Variants in SRRM1 observed in about 807,000 individuals in gnomAD.
The protein encoded by SRRM1 is serine and arginine repetitive matrix 1, also known as serine/arginine repetitive matrix protein 1.
A neutral mutation model predicts 110.2 loss-of-function variants in SRRM1; 19 were observed. That is an observed-to-expected ratio of 0.17 (90% CI 0.12 to 0.25). The LOEUF (loss-of-function observed/expected upper bound fraction) is 0.25, where lower values mean the gene tolerates loss of function less well. Ranked by LOEUF, SRRM1 falls within the 10% of genes least tolerant of loss-of-function variation. SRRM1 has a pLI of 1.00. For synonymous variants in SRRM1, 443 were observed against 414.9 expected, an observed-to-expected ratio of 1.07 and a Z score of -0.82; for missense variants, 918 against 1,145.8, an observed-to-expected ratio of 0.80 and a Z score of 2.87.
intron 1 of SRRM1, among the ~76,000 whole-genome samples, chr1:24,644,377 A>G (rs1045688684): frequency 2.0e-5 from 3 of 152,158 alleles, no homozygotes; most frequent in South Asian, 2.1e-4. Flanking sequence ...TCGTATAGAA[A>G]CTAGTTGATC....
rs1214988065 is a variant in SRRM1, at chr1:24,662,695, C to G, written c.1519C>G (p.Pro507Ala). ...GSSSSSEDER[P>A]KRSHVKNGEV... ...CTCCTCCTCCTCAGAAGATGAACGA[C>G]CCAAGAGATCCCATGTGAAGAATGG... Residue 507 changes from proline (P) to alanine (A), a missense_variant, in exon 12 of 17, where the codon CCC becomes GCC. Pro to Ala is a conservative substitution (Grantham distance 27, BLOSUM62 -1). Coordinates refer to ENST00000323848, the MANE Select transcript of SRRM1 (RefSeq NM_005839.4). The G allele has an allele frequency of 6.2e-7, 1 of 1,614,116 alleles. No homozygotes were observed. Among genetic ancestry groups the G allele is most frequent in the Admixed American group, 1.7e-5 (1 of 60,006 alleles).
intron 2 of SRRM1, 142 bp from the exon 3 acceptor site, chr1:24,646,522 CAAA>C (rs149061293): frequency 6.4e-3 from 2,555 of 399,880 alleles, no homozygotes; most frequent in South Asian, 9.5e-3. Context: ...GACTCTGTCT[CAAA>C]AAAAAAAAAA....
intron 2 of SRRM1, among the ~76,000 whole-genome samples, chr1:24,646,399 T>G (rs1570662839): frequency 6.6e-6 from 1 of 151,620 alleles, no homozygotes; most frequent in South Asian, 2.1e-4. Context: ...TGGTGGCGGG[T>G]GCCTGTAATC....
chr1:24,672,451 T>G lies in SRRM1; in HGVS notation c.*165T>G. 2 of 501,098 alleles carry G rather than the reference T, an allele frequency of 4.0e-6. No homozygotes were observed. Among genetic ancestry groups the G allele is most frequent in the Non-Finnish European group, 7.3e-6 (2 of 273,686 alleles). The allele number at this position is 501,098 out of a possible 1,614,324, so 31.0% of individuals were successfully genotyped here. A position where few individuals can be genotyped will look rare whatever the true frequency, so the allele number is the denominator to read the frequency against. On this transcript the variant is annotated 3_prime_UTR_variant, in exon 17 of 17. Transcript: ENST00000323848. ...GGGCATGGATTTACATTGCAAAAGG[T>G]GTCCACAGTGTATTAGTGACATTCT... is the stretch of plus-strand genomic sequence containing the variant.
At chr1:24,663,160 T>C in intron 12 of SRRM1, 1 of 1,503,948 alleles carries the variant, frequency 6.6e-7, no homozygotes, top group Admixed American at 2.1e-5. Flanking sequence ...TTCTTGACAT[T>C]TGTTTTTCTC....
chr1:24,659,653 TA>T, intron 9 of SRRM1, among the ~76,000 whole-genome samples: 1 of 152,360 alleles, frequency 6.6e-6, no homozygotes, highest in South Asian at 2.1e-4. Flanking sequence ...TTAGCTCACT[TA>T]AATTGTCTTT....
intron 6 of SRRM1, among the ~76,000 whole-genome samples, chr1:24,651,950 G>A (rs998589571): frequency 6.8e-6 from 1 of 148,076 alleles, no homozygotes; most frequent in African/African-American, 2.5e-5. Flanking sequence ...ACTTGGGGAG[G>A]CTGAGGTGGG....
chr1:24,645,837 G>T, intron 1 of SRRM1, 147 bp from the exon 2 acceptor site: 1 of 568,252 alleles, frequency 1.8e-6, no homozygotes. Flanking sequence ...AGCTACATTG[G>T]GGAAGGAGTA....
intron 12 of SRRM1, chr1:24,666,487 C>T (rs1346000392): frequency 1.7e-5 from 4 of 239,904 alleles, no homozygotes; most frequent in African/African-American, 4.7e-5. Flanking sequence ...ATAGGCCAGG[C>T]GTGGTAACTC....
chr1:24,669,770 C>A (rs1355445301), intron 14 of SRRM1, 183 bp downstream of exon 14: 2 of 618,384 alleles, frequency 3.2e-6, no homozygotes, highest in African/African-American at 1.8e-5. Flanking sequence ...AGTTAAATGC[C>A]ACAGGCTTTT....
At chr1:24,663,878 A>T (rs1345686880) in intron 12 of SRRM1, among the ~76,000 whole-genome samples, 1 of 141,514 alleles carries the variant, frequency 7.1e-6, no homozygotes, top group African/African-American at 2.6e-5. Flanking sequence ...TCCCTCTCAA[A>T]AATAATAATA....
chr1:24,643,913 C>T (rs1310555681), intron 1 of SRRM1, among the ~76,000 whole-genome samples: 1 of 152,126 alleles, frequency 6.6e-6, no homozygotes, highest in Non-Finnish European at 1.5e-5. Flanking sequence ...TCAGGGTTCG[C>T]GGGAGCTCCC....
intron 3 of SRRM1, chr1:24,648,645 G>A (rs1398288875): frequency 2.4e-5 from 11 of 461,846 alleles, no homozygotes; most frequent in Non-Finnish European, 3.4e-5. Flanking sequence ...GATGCTTTTG[G>A]TAGAGTGAGA....
intron 12 of SRRM1, among the ~76,000 whole-genome samples, chr1:24,663,987 CTTT>C (rs973518559): frequency 3.4e-4 from 41 of 119,754 alleles, no homozygotes; most frequent in African/African-American, 1.3e-3. Context: ...GCATAGCTCT[CTTT>C]TTTTTTTTTT....
chr1:24,650,033 G>A lies in SRRM1; in HGVS notation c.468G>A (p.Lys156=). ...KQDEDKDKRD[K]EEKESSREKR... is the part of the protein sequence containing the mutation. ...ATGAAGACAAAGATAAAAGAGATAA[G>A]GAAGAAAAAGAAAGCAGCAGAGAAA... is the stretch of plus-strand genomic sequence containing the variant. Residue 156 remains lysine, a synonymous_variant, in exon 5 of 17, where the codon AAG becomes AAA. Transcript: ENST00000323848. 1.3e-6 allele frequency: 2 copies of A among 1,597,302 alleles called. No homozygotes were observed. The highest frequency in any genetic ancestry group is 1.7e-6 in the Non-Finnish European group (2 of 1,171,702).
intron 13 of SRRM1, among the ~76,000 whole-genome samples, chr1:24,667,359 A>G (rs752754468): frequency 9.2e-5 from 14 of 152,236 alleles, no homozygotes; most frequent in Non-Finnish European, 2.1e-4. Flanking sequence ...ATGTATTGTC[A>G]TAAAGATGTT....
At position 24,662,817 on chromosome 1, in the gene SRRM1, C is replaced by CT; in HGVS notation, c.1628+15dup. The CT allele has an allele frequency of 6.2e-7, 1 of 1,613,826 alleles. No homozygotes were observed. Among genetic ancestry groups the CT allele is most frequent in the Non-Finnish European group, 8.5e-7 (1 of 1,179,802 alleles). On this transcript the variant is annotated intron_variant, in intron 12 of 16. Transcript: ENST00000323848. The stretch of plus-strand genomic sequence containing the variant: ...AGACTTCCCCTCGGTAACATCTTTG[C>CT]TTCAGTGATGTTCACTGATGTTCTG...
chr1:24,670,484 G>T (rs886367717), intron 15 of SRRM1, among the ~76,000 whole-genome samples, 169 bp downstream of exon 15: 17 of 152,110 alleles, frequency 1.1e-4, no homozygotes, highest in African/African-American at 3.6e-4. Context: ...AAAATCAGTG[G>T]TTAGGTGTCC....
intron 11 of SRRM1, 96 bp from the exon 12 acceptor site, chr1:24,662,564 T>A (rs1371070127): frequency 1.2e-5 from 15 of 1,214,796 alleles, no homozygotes; most frequent in Non-Finnish European, 1.6e-5. Flanking sequence ...CATGCTTGCT[T>A]ACCCTAGTGA....
Sources: gnomAD v4.1 joint callset for allele counts (sites outside exome capture counted in the v4.1 genomes callset) on GRCh38, gnomAD v4.1.1 for gene constraint, MANE v1.5 for transcripts, NCBI Gene and HGNC (gene_info 2026-07-23, HGNC 2026-07-21) for gene names.